Variants in SCHIP1 observed in about 807,000 individuals in gnomAD.
SCHIP1 encodes schwannomin interacting protein 1, also known as schwannomin-interacting protein 1.
SCHIP1 carries 8 observed loss-of-function variants against 29.7 expected under a neutral mutation model. The ratio of observed to expected loss-of-function variants is 0.27; its 90% CI spans 0.16 to 0.49. The LOEUF is 0.49. Among genes scored for constraint, SCHIP1 ranks in the 20% least tolerant of loss-of-function variants. The probability of loss-of-function intolerance (pLI) is 0.99; values close to 1 mark genes in which losing one functional copy is unlikely to be tolerated. For synonymous variants in SCHIP1, 76 were observed against 94.9 expected (o/e 0.80, Z 1.16); for missense variants, 193 against 294.6 (o/e 0.66, Z 2.52).
intron 1 of SCHIP1, among the ~76,000 whole-genome samples, chr3:159,856,342 T>A (rs1452085047): frequency 6.6e-6 from 1 of 152,130 alleles, no homozygotes; most frequent in Non-Finnish European, 1.5e-5. Context: ...TACATGGAAC[T>A]GATGCTGCCT....
the SCHIP1 span, among the ~76,000 whole-genome samples, chr3:159,702,500 C>A: frequency 6.6e-6 from 1 of 152,190 alleles, no homozygotes; most frequent in African/African-American, 2.4e-5. Context: ...TAAATTAAGA[C>A]CCTCTGGCCA....
chr3:159,366,450 G>A, the SCHIP1 span, among the ~76,000 whole-genome samples: 18 of 152,134 alleles, frequency 1.2e-4, no homozygotes, highest in Admixed American at 5.9e-4. Context: ...GCAAACCTGG[G>A]TTCAAATCCT....
chr3:159,890,578 A>T (rs1717411308), intron 5 of SCHIP1, among the ~76,000 whole-genome samples: 1 of 152,196 alleles, frequency 6.6e-6, no homozygotes. Context: ...GATTCACAGG[A>T]TTTTTTAAAA....
the SCHIP1 span, among the ~76,000 whole-genome samples, chr3:159,599,476 C>G: frequency 3.3e-5 from 5 of 152,090 alleles, no homozygotes; most frequent in Non-Finnish European, 4.4e-5. Context: ...AGCTTAGCTC[C>G]CATTTATGAC....
chr3:159,373,928 G>T, the SCHIP1 span, among the ~76,000 whole-genome samples: 2 of 151,782 alleles, frequency 1.3e-5, no homozygotes, highest in African/African-American at 4.8e-5. Flanking sequence ...TATCTTTTTG[G>T]GTAATACTCA....
the SCHIP1 span, among the ~76,000 whole-genome samples, chr3:159,551,314 A>G: frequency 3.3e-5 from 5 of 152,186 alleles, no homozygotes; most frequent in Admixed American, 3.3e-4. Flanking sequence ...ATGCCAAACT[A>G]TATAATAGAA....
chr3:159,742,298 C>T, the SCHIP1 span, among the ~76,000 whole-genome samples: 4 of 152,280 alleles, frequency 2.6e-5, no homozygotes, highest in East Asian at 5.8e-4. Flanking sequence ...TGGGAGTTAT[C>T]GCAGGACCGG....
At chr3:159,704,896 C>A in the SCHIP1 span, among the ~76,000 whole-genome samples, 4,706 of 73,796 alleles carry the variant, frequency 0.064, 95 homozygotes, top group African/African-American at 0.17. Flanking sequence ...TTCTTTCTTT[C>A]TTTCTTTCTT....
At chr3:159,400,108 T>G in the SCHIP1 span, among the ~76,000 whole-genome samples, 1 of 152,360 alleles carries the variant, frequency 6.6e-6, no homozygotes, top group Non-Finnish European at 1.5e-5. Flanking sequence ...AACATCCAAC[T>G]ACTGGTTAAT....
chr3:159,392,418 G>A, the SCHIP1 span, among the ~76,000 whole-genome samples: 2 of 151,702 alleles, frequency 1.3e-5, no homozygotes, highest in Non-Finnish European at 2.9e-5. Context: ...CCACTAACTC[G>A]TCATCTAGCA....
the SCHIP1 span, among the ~76,000 whole-genome samples, chr3:159,619,791 G>T: frequency 6.6e-6 from 1 of 152,098 alleles, no homozygotes; most frequent in African/African-American, 2.4e-5. Flanking sequence ...ATTTGGCCTA[G>T]AAAAAGAAAA....
the SCHIP1 span, among the ~76,000 whole-genome samples, chr3:159,426,550 C>G: frequency 2.0e-5 from 3 of 152,104 alleles, no homozygotes; most frequent in African/African-American, 4.8e-5. Flanking sequence ...CAATAGCTTA[C>G]CAACGAAAAA....
chr3:159,547,609 G>C, the SCHIP1 span, among the ~76,000 whole-genome samples: 1 of 152,046 alleles, frequency 6.6e-6, no homozygotes, highest in Non-Finnish European at 1.5e-5. Context: ...TAAGGAAGGG[G>C]TCCAGTTTCA....
chr3:159,393,942 A>G, the SCHIP1 span, among the ~76,000 whole-genome samples: 11 of 152,158 alleles, frequency 7.2e-5, no homozygotes, highest in African/African-American at 2.4e-4. Flanking sequence ...CTTCCTACCC[A>G]TGAGCATGGG....
At chr3:159,393,941 C>A in the SCHIP1 span, among the ~76,000 whole-genome samples, 10 of 152,236 alleles carry the variant, frequency 6.6e-5, no homozygotes, top group Admixed American at 3.3e-4. Context: ...TCTTCCTACC[C>A]ATGAGCATGG....
the SCHIP1 span, among the ~76,000 whole-genome samples, chr3:159,597,322 GTACAA>G: frequency 2.0e-5 from 3 of 152,052 alleles, no homozygotes; most frequent in Non-Finnish European, 2.9e-5. Flanking sequence ...CATCACCTGA[GTACAA>G]TACATTTTTG....
At chr3:159,387,989 A>G in the SCHIP1 span, among the ~76,000 whole-genome samples, 3 of 152,260 alleles carry the variant, frequency 2.0e-5, no homozygotes, top group Non-Finnish European at 2.9e-5. Context: ...TATTAGAAAC[A>G]TAAGAAATTA....
the SCHIP1 span, among the ~76,000 whole-genome samples, chr3:159,608,213 A>G: frequency 6.6e-6 from 1 of 152,188 alleles, no homozygotes; most frequent in Admixed American, 6.5e-5. Context: ...TCAGTGATTC[A>G]ACTTGCTAAC....
intron 1 of SCHIP1, among the ~76,000 whole-genome samples, chr3:159,843,529 G>T (rs2109039956): frequency 6.6e-6 from 1 of 152,078 alleles, no homozygotes; most frequent in East Asian, 1.9e-4. Context: ...TAACAAAAAA[G>T]GCATTGTAAG....
Sources: gnomAD v4.1 joint callset for allele counts (sites outside exome capture counted in the v4.1 genomes callset) on GRCh38, gnomAD v4.1.1 for gene constraint, MANE v1.5 for transcripts, NCBI Gene and HGNC (gene_info 2026-07-23, HGNC 2026-07-21) for gene names.